The following DNMBP variants were observed in gnomAD, a reference collection of about 807,000 sequenced individuals.
The protein encoded by DNMBP is dynamin-binding protein.
Under a neutral mutation model 150.0 loss-of-function variants are expected in DNMBP, and 87 were observed. That is an observed-to-expected ratio of 0.58 (90% CI 0.49 to 0.69). The LOEUF is 0.69. DNMBP is among the 30% of genes least tolerant of loss of function. The pLI is 0.00. For synonymous variants in DNMBP, 711 were observed against 750.4 expected, an observed-to-expected ratio of 0.95 and a Z score of 0.86; for missense variants, 1,774 against 1,949.0, an observed-to-expected ratio of 0.91 and a Z score of 1.69.
chr10:99,887,513 T>G (rs1317633652), intron 12 of DNMBP, among the ~76,000 whole-genome samples: 2 of 151,838 alleles, frequency 1.3e-5, no homozygotes, highest in African/African-American at 2.4e-5. Flanking sequence ...GGTGACAGAG[T>G]GAGACTCCAT....
At chr10:99,906,093 A>G (rs1028206756) in intron 6 of DNMBP, among the ~76,000 whole-genome samples, 1 of 152,212 alleles carries the variant, frequency 6.6e-6, no homozygotes, top group African/African-American at 2.4e-5. Context: ...AACATTAACC[A>G]TGCTACAACA....
chr10:99,990,747 G>GTATATATACA (rs1564756282), intron 1 of DNMBP, among the ~76,000 whole-genome samples: 12 of 137,616 alleles, frequency 8.7e-5, no homozygotes, highest in South Asian at 4.5e-4. Flanking sequence ...ATATGCACAT[G>GTATATATACA]TATATACACA....
intron 1 of DNMBP, among the ~76,000 whole-genome samples, chr10:99,986,646 G>A (rs1022278737): frequency 2.9e-5 from 4 of 137,756 alleles, no homozygotes; most frequent in African/African-American, 5.5e-5. Flanking sequence ...AGGATAATAT[G>A]CAGGATAATA....
At chr10:99,915,188 CAT>C (rs1443954403) in intron 4 of DNMBP, among the ~76,000 whole-genome samples, 3 of 133,978 alleles carry the variant, frequency 2.2e-5, no homozygotes, top group East Asian at 2.0e-4. Context: ...CATCTACACA[CAT>C]ATACACACAT....
chr10:99,969,806 C>T (rs897817717), intron 2 of DNMBP, among the ~76,000 whole-genome samples: 1 of 152,140 alleles, frequency 6.6e-6, no homozygotes, highest in Non-Finnish European at 1.5e-5. Context: ...TCTCCAGACC[C>T]ACCACCTTGG....
intron 4 of DNMBP, among the ~76,000 whole-genome samples, chr10:99,919,923 C>T (rs1215925516): frequency 2.0e-5 from 3 of 152,098 alleles, no homozygotes; most frequent in Non-Finnish European, 1.5e-5. Flanking sequence ...AAAGTTAGTT[C>T]CATTTGAGTG....
intron 16 of DNMBP, among the ~76,000 whole-genome samples, chr10:99,879,422 G>A (rs1394637022): frequency 6.6e-6 from 1 of 152,042 alleles, no homozygotes; most frequent in Non-Finnish European, 1.5e-5. Flanking sequence ...AGTGAGCTGA[G>A]ATCATGCATT....
At chr10:99,933,423 C>G (rs1240787070) in intron 4 of DNMBP, among the ~76,000 whole-genome samples, 1 of 152,118 alleles carries the variant, frequency 6.6e-6, no homozygotes, top group Non-Finnish European at 1.5e-5. Context: ...TAGAAATAAC[C>G]AATAAAATAG....
At chr10:99,891,777 T>C (rs1459301200) in intron 11 of DNMBP, among the ~76,000 whole-genome samples, 1 of 150,656 alleles carries the variant, frequency 6.6e-6, no homozygotes, top group African/African-American at 2.5e-5. Flanking sequence ...GGAGCGTCTC[T>C]GCCCGGCCGC....
At chr10:99,990,452 T>A (rs568407172) in intron 1 of DNMBP, among the ~76,000 whole-genome samples, 61 of 151,634 alleles carry the variant, frequency 4.0e-4, no homozygotes, top group African/African-American at 1.4e-3. Context: ...CTCGGGAGGC[T>A]GAGGTGGGAG....
intron 15 of DNMBP, among the ~76,000 whole-genome samples, chr10:99,881,130 A>G (rs1245218739): frequency 6.6e-6 from 1 of 152,116 alleles, no homozygotes. Context: ...CAGGAGGCTA[A>G]GGCAGGAGAA....
chr10:99,878,157 A>G (rs2133183444), intron 16 of DNMBP, among the ~76,000 whole-genome samples: 1 of 152,354 alleles, frequency 6.6e-6, no homozygotes, highest in South Asian at 2.1e-4. Context: ...GAAGACGAGC[A>G]TACTCTTCCA....
intron 1 of DNMBP, among the ~76,000 whole-genome samples, chr10:99,990,747 G>GTATATACACA (rs10531742): frequency 9.4e-5 from 13 of 137,614 alleles, no homozygotes; most frequent in South Asian, 2.3e-4. Context: ...ATATGCACAT[G>GTATATACACA]TATATACACA....
At chr10:99,906,718 T>C (rs7898374) in intron 6 of DNMBP, among the ~76,000 whole-genome samples, 68,836 of 151,860 alleles carry the variant, frequency 0.45, 15,837 homozygotes, top group African/African-American at 0.5. Context: ...TTCTTGGAAG[T>C]AGATCCCTGA....
At chr10:99,899,833 TGTC>T (rs1056169638) in intron 7 of DNMBP, 83 bp downstream of exon 7, 3 of 1,384,326 alleles carry the variant, frequency 2.2e-6, no homozygotes, top group Non-Finnish European at 3.1e-6. Flanking sequence ...TAAAATAAGA[TGTC>T]ATCATCAAGT....
intron 4 of DNMBP, among the ~76,000 whole-genome samples, chr10:99,940,286 C>T (rs2040280327): frequency 6.6e-6 from 1 of 152,176 alleles, no homozygotes; most frequent in African/African-American, 2.4e-5. Context: ...GACTTAAATC[C>T]TGACTTTGCC....
intron 4 of DNMBP, among the ~76,000 whole-genome samples, chr10:99,923,318 G>C (rs544160112): frequency 6.6e-6 from 1 of 151,964 alleles, no homozygotes; most frequent in Non-Finnish European, 1.5e-5. Context: ...CACCAGAGTC[G>C]GAGGCTGCAG....
intron 4 of DNMBP, among the ~76,000 whole-genome samples, chr10:99,939,299 T>C (rs767904607): frequency 3.3e-5 from 5 of 152,236 alleles, no homozygotes; most frequent in Non-Finnish European, 7.3e-5. Context: ...ATATCTCTCT[T>C]GGCTAACCTA....
chr10:99,963,791 A>G (rs922350957), intron 3 of DNMBP, among the ~76,000 whole-genome samples: 5 of 149,684 alleles, frequency 3.3e-5, no homozygotes, highest in African/African-American at 1.2e-4. Flanking sequence ...TGGGTTCCTC[A>G]CGGACTCCTT....
Sources: allele counts gnomAD v4.1 joint callset (sites outside exome capture counted in the v4.1 genomes callset), GRCh38; gene constraint gnomAD v4.1.1; transcripts MANE v1.5; gene names NCBI Gene and HGNC (gene_info 2026-07-23, HGNC 2026-07-21).